MAPK14: variants seen among roughly 807,000 people sequenced by gnomAD.
The protein encoded by MAPK14 is mitogen-activated protein kinase 14.
In MAPK14, 16 loss-of-function variants were observed where a neutral mutation model predicts 49.6. That is an observed-to-expected ratio of 0.32 (90% CI 0.22 to 0.49). The LOEUF (loss-of-function observed/expected upper bound fraction) is 0.49. Among genes scored for constraint, MAPK14 ranks in the 20% least tolerant of loss-of-function variants. The pLI is 0.99. For missense variants in MAPK14, 200 were observed against 441.2 expected, an observed-to-expected ratio of 0.45 and a Z score of 4.90; for synonymous variants, 142 against 158.0, an observed-to-expected ratio of 0.90 and a Z score of 0.76.
intron 6 of MAPK14, among the ~76,000 whole-genome samples, chr6:36,075,275 TCCCTAC>T (rs1306600998): frequency 7.0e-6 from 1 of 142,340 alleles, no homozygotes; most frequent in African/African-American, 2.6e-5. Context: ...TCCTAGTCAA[TCCCTAC>T]CCCTCCACCC....
downstream of MAPK14, among the ~76,000 whole-genome samples, chr6:36,115,012 T>C (rs1766036565): frequency 3.9e-5 from 6 of 152,204 alleles, no homozygotes; most frequent in Admixed American, 3.9e-4. Context: ...GAACAGTGTG[T>C]GTCTCTAAAG....
chr6:36,123,066 G>A, the MAPK14 span, among the ~76,000 whole-genome samples: 1 of 151,978 alleles, frequency 6.6e-6, no homozygotes, highest in Non-Finnish European at 1.5e-5. Context: ...CCTTGTAGAT[G>A]TGAGTTTAGA....
chr6:36,042,842 G>T (rs1326277277), intron 1 of MAPK14, among the ~76,000 whole-genome samples: 2 of 152,056 alleles, frequency 1.3e-5, no homozygotes, highest in Non-Finnish European at 2.9e-5. Flanking sequence ...TTTGGAACTT[G>T]CAGGCTCGTG....
intron 8 of MAPK14, among the ~76,000 whole-genome samples, chr6:36,077,135 T>A (rs1387611111): frequency 6.6e-6 from 1 of 152,232 alleles, no homozygotes; most frequent in Non-Finnish European, 1.5e-5. Flanking sequence ...CTTTTGTTTT[T>A]CCAGCACAAC....
intron 1 of MAPK14, among the ~76,000 whole-genome samples, chr6:36,048,052 A>C (rs1763251904): frequency 6.8e-6 from 1 of 147,050 alleles, no homozygotes; most frequent in South Asian, 2.2e-4. Flanking sequence ...ATTTATTATT[A>C]TTTTTTTGAG....
chr6:36,057,576 G>A (rs774408404), intron 2 of MAPK14, among the ~76,000 whole-genome samples: 19 of 152,102 alleles, frequency 1.2e-4, no homozygotes, highest in Non-Finnish European at 2.1e-4. Flanking sequence ...ATTTGGAGTC[G>A]GGCGTGGTGG....
intron 10 of MAPK14, among the ~76,000 whole-genome samples, chr6:36,104,634 G>A (rs1034880725): frequency 1.9e-4 from 29 of 152,220 alleles, no homozygotes; most frequent in African/African-American, 6.3e-4. Flanking sequence ...TGACCTGCCC[G>A]CCTCGGCCTC....
chr6:36,078,092 A>G (rs1034949869), intron 8 of MAPK14, among the ~76,000 whole-genome samples: 5 of 152,218 alleles, frequency 3.3e-5, no homozygotes, highest in Admixed American at 3.3e-4. Flanking sequence ...AGTATAACAT[A>G]CAGGTTAAGC....
In MAPK14 at chr6:36,080,367, C is replaced by T. The variant is rs565247196; in HGVS notation, c.682+3759C>T. ...AAACACTCAGCCCGTGAAACAGTAACTTCCCATTCTCCCCTCTGGTAACCT... is the reference window on the plus strand; with the variant it reads ...AAACACTCAGCCCGTGAAACAGTAATTTCCCATTCTCCCCTCTGGTAACCT... On this transcript the variant is annotated intron_variant, in intron 8 of 11. Coordinates refer to ENST00000229794, the MANE Select transcript of MAPK14 (RefSeq NM_139012.3). Among the ~76,000 whole-genome samples the T allele has an allele frequency of 2.0e-5, 3 of 152,300 alleles. No individual in the cohort carries two copies. In the South Asian group the frequency reaches 6.2e-4, roughly 32 times the overall value.
At chr6:36,074,300 ATAAAGT>A (rs1453859404) in intron 6 of MAPK14, among the ~76,000 whole-genome samples, 1 of 152,186 alleles carries the variant, frequency 6.6e-6, no homozygotes, top group African/African-American at 2.4e-5. Context: ...TTATTTTAAC[ATAAAGT>A]TAAATTATAA....
chr6:36,108,295 GATC>G, intron 11 of MAPK14, 82 bp from the exon 12 acceptor site: 1 of 976,022 alleles, frequency 1.0e-6, no homozygotes, highest in East Asian at 2.4e-5. Flanking sequence ...AGAGAGGAAG[GATC>G]TTGAGCTTAG....
intron 1 of MAPK14, among the ~76,000 whole-genome samples, chr6:36,045,247 C>T (rs7759175): frequency 0.14 from 21,025 of 152,100 alleles, 1,781 homozygotes; most frequent in African/African-American, 0.24. Flanking sequence ...AAAAAGAAAA[C>T]CATCTGAAAC....
intron 1 of MAPK14, among the ~76,000 whole-genome samples, chr6:36,031,806 A>G (rs908709813): frequency 4.6e-5 from 7 of 152,232 alleles, no homozygotes; most frequent in African/African-American, 1.2e-4. Context: ...GATAAGAAAG[A>G]TAAGGCAATC....
intron 1 of MAPK14, among the ~76,000 whole-genome samples, chr6:36,044,110 C>T (rs554478837): frequency 1.3e-5 from 2 of 152,038 alleles, no homozygotes; most frequent in East Asian, 3.9e-4. Flanking sequence ...GCACCCGGCC[C>T]TCACTTTATA....
At chr6:36,087,157 A>G (rs765530008) in intron 8 of MAPK14, among the ~76,000 whole-genome samples, 1 of 152,136 alleles carries the variant, frequency 6.6e-6, no homozygotes, top group Admixed American at 6.6e-5. Flanking sequence ...AAAATAAGCC[A>G]TGTAAGACAA....
In MAPK14 at chr6:36,028,013, G is replaced by T; in HGVS notation, c.-145G>T. On this transcript the variant is annotated 5_prime_UTR_variant, in exon 1 of 12. Coordinates refer to ENST00000229794, the MANE Select transcript of MAPK14 (RefSeq NM_139012.3). This position sits in a 1 kb window ranked among gnomAD's most constrained non-coding sequence, Gnocchi z 5.1. ...ACAGCAGCCGCGCGCGCGGGAGTCT[G>T]CGGGGTCGCGGCAGCCGCACCTGCG... The T allele has an allele frequency of 2.1e-6, 1 of 467,044 alleles. No individual in the cohort carries two copies. The allele number at this position is 467,044 out of a possible 1,614,324, so 28.9% of individuals were successfully genotyped here.
intron 1 of MAPK14, among the ~76,000 whole-genome samples, chr6:36,033,531 A>C (rs1000081547): frequency 2.0e-5 from 3 of 152,108 alleles, no homozygotes; most frequent in African/African-American, 7.2e-5. Context: ...TGGTCAGGCC[A>C]GTCTCGAACT....
intron 3 of MAPK14, among the ~76,000 whole-genome samples, chr6:36,070,120 T>C (rs1011511109): frequency 3.9e-5 from 6 of 152,240 alleles, no homozygotes; most frequent in Non-Finnish European, 8.8e-5. Context: ...CTGAGAACTT[T>C]GTTAAGATTA....
At chr6:36,049,741 G>A (rs1286942169) in intron 1 of MAPK14, among the ~76,000 whole-genome samples, 1 of 152,196 alleles carries the variant, frequency 6.6e-6, no homozygotes, top group African/African-American at 2.4e-5. Context: ...AGTAGATAGG[G>A]AGACACTGAT....
Sources: allele counts gnomAD v4.1 joint callset (sites outside exome capture counted in the v4.1 genomes callset), GRCh38; gene constraint gnomAD v4.1.1; non-coding constraint Gnocchi (gnomAD v3.1); transcripts MANE v1.5; gene names NCBI Gene and HGNC (gene_info 2026-07-23, HGNC 2026-07-21).